The following AGPAT4 variants were observed in gnomAD, a reference collection of about 807,000 sequenced individuals.
AGPAT4 encodes the protein 1-acyl-sn-glycerol-3-phosphate acyltransferase delta.
Under a neutral mutation model 48.0 loss-of-function variants are expected in AGPAT4, and 15 were observed. The observed-to-expected ratio is 0.31, with a 90% CI of 0.21 to 0.48. The LOEUF (loss-of-function observed/expected upper bound fraction) is 0.48, where lower values mean the gene tolerates loss of function less well. AGPAT4 is among the 20% of genes least tolerant of loss of function. The pLI is 0.99. For synonymous variants in AGPAT4, 178 were observed against 198.7 expected (o/e 0.90, Z 0.88); for missense variants, 314 against 482.5 (o/e 0.65, Z 3.27).
chr6:161,266,259 C>T lies in AGPAT4; in HGVS notation c.-90+7679G>A, dbSNP rs1052327530. Among the ~76,000 whole-genome samples, 2 of 152,230 alleles carry T rather than the reference C, an allele frequency of 1.3e-5. No homozygotes were observed. The highest frequency in any genetic ancestry group is 2.9e-5 in the Non-Finnish European group (2 of 68,034). Reference sequence around the variant, plus strand: ...TCGAGATTGAGAAACACCTCGCCCTCAAGGAATGTCACCCTTGAGGCCCTG... The same window carrying T: ...TCGAGATTGAGAAACACCTCGCCCTTAAGGAATGTCACCCTTGAGGCCCTG... On this transcript the variant is annotated intron_variant, in intron 1 of 8. Coordinates refer to ENST00000320285, the MANE Select transcript of AGPAT4 (RefSeq NM_020133.3). This position sits in a 1 kb window ranked among gnomAD's most constrained non-coding sequence, Gnocchi z 6.2.
intron 2 of AGPAT4, among the ~76,000 whole-genome samples, chr6:161,168,982 T>C (rs568580620): frequency 2.3e-4 from 35 of 152,158 alleles, no homozygotes; most frequent in Non-Finnish European, 4.9e-4. Context: ...GCACCTAGCA[T>C]GACATGGGGC....
chr6:161,205,694 T>TGAAGGGAAATCAATTCTAA (rs11269660), intron 2 of AGPAT4, among the ~76,000 whole-genome samples: 151,747 of 151,818 alleles, frequency 1, 75,838 homozygotes, highest in Middle Eastern at 1. Context: ...AACACCAAGT[T>TGAAGGGAAATCAATTCTAA]GAAACAGATC....
chr6:161,154,128 G>C lies in AGPAT4; in HGVS notation c.510+21C>G. ...GTCCTGCAGGAGCCCTTGGGACACA[G>C]CTGCTCTGGTGCCTACATACAAAAT... On this transcript the variant is annotated intron_variant, in intron 4 of 8. Coordinates refer to ENST00000320285, the MANE Select transcript of AGPAT4 (RefSeq NM_020133.3). This position sits in a 1 kb window ranked among gnomAD's most constrained non-coding sequence, Gnocchi z 7.8. 1 of 1,613,970 alleles carries C rather than the reference G, an allele frequency of 6.2e-7. No homozygotes were observed. The highest frequency in any genetic ancestry group is 8.5e-7 in the Non-Finnish European group (1 of 1,179,994).
At position 161,172,532 on chromosome 6, in the gene AGPAT4, G is replaced by A. The variant is rs1247536542; in HGVS notation, c.179-6115C>T. Among the ~76,000 whole-genome samples, 4 of 152,342 alleles carry A rather than the reference G, an allele frequency of 2.6e-5. No homozygotes were observed. The East Asian group carries it at 7.7e-4, about 29-fold the overall frequency. Reference sequence around the variant, plus strand: ...ACGGCCACCTGGGAAAGGCCAGCTGGACAGAAAGGCCACAGGACAGAAAGG... The same window carrying A: ...ACGGCCACCTGGGAAAGGCCAGCTGAACAGAAAGGCCACAGGACAGAAAGG... On this transcript the variant is annotated intron_variant, in intron 2 of 8. Coordinates refer to ENST00000320285, the MANE Select transcript of AGPAT4 (RefSeq NM_020133.3).
Position 161,251,305 on chromosome 6 carries a change from C to T in AGPAT4, c.-89-19003G>A, listed in dbSNP as rs139876558. 2.9e-3 allele frequency among the ~76,000 whole-genome samples: 447 copies of T among 152,322 alleles called. 2 individuals are homozygous for T. The highest frequency in any genetic ancestry group is 0.01 in the African/African-American group (421 of 41,570). On this transcript the variant is annotated intron_variant, in intron 1 of 8. Coordinates refer to ENST00000320285, the MANE Select transcript of AGPAT4 (RefSeq NM_020133.3). The surrounding 1 kb of genome is among the most constrained non-coding windows in gnomAD (Gnocchi z 4.6). The stretch of plus-strand genomic sequence containing the variant: ...CATTTGTTGAAAGATCCTTCTCTAC[C>T]TCATTGATTCCCATGCAGTCTCTCC...
chr6:161,228,250 G>A (rs1273093451), intron 2 of AGPAT4, among the ~76,000 whole-genome samples: 3 of 152,308 alleles, frequency 2.0e-5, no homozygotes, highest in South Asian at 2.1e-4. Flanking sequence ...CAAAGGTGAC[G>A]CAGCCTGTAG....
chr6:161,167,253 G>C (rs1164410791), intron 2 of AGPAT4, among the ~76,000 whole-genome samples: 1 of 152,168 alleles, frequency 6.6e-6, no homozygotes, highest in Admixed American at 6.5e-5. Context: ...TTGAGATGGA[G>C]TCTTGCTCTG....
intron 1 of AGPAT4, among the ~76,000 whole-genome samples, chr6:161,268,611 A>T (rs1278111166): frequency 6.6e-6 from 1 of 152,236 alleles, no homozygotes; most frequent in Non-Finnish European, 1.5e-5. Flanking sequence ...TATGATGTTT[A>T]ACCTAAACAG....
At position 161,165,982 on chromosome 6, in the gene AGPAT4, T is replaced by C; in HGVS notation, c.348+266A>G. The C allele has an allele frequency of 1.6e-6, 1 of 611,286 alleles. No homozygotes were observed. Among genetic ancestry groups the C allele is most frequent in the Non-Finnish European group, 2.9e-6 (1 of 343,118 alleles). The allele number at this position is 611,286 out of a possible 1,614,324, so 37.9% of individuals were successfully genotyped here. ...AAAATGGAGTGTGGCACATCATCTA[T>C]TCATGTTGCTGTAAGGATTAAATAA... On this transcript the variant is annotated intron_variant, in intron 3 of 8. Coordinates refer to ENST00000320285, the MANE Select transcript of AGPAT4 (RefSeq NM_020133.3). The surrounding 1 kb of genome is among the most constrained non-coding windows in gnomAD (Gnocchi z 5.5).
chr6:161,255,673 A>T lies in AGPAT4; in HGVS notation c.-90+18265T>A, dbSNP rs1562359502. 6.6e-6 allele frequency among the ~76,000 whole-genome samples: 1 copy of T among 152,034 alleles called. No individual in the cohort carries two copies. The highest frequency in any genetic ancestry group is 1.5e-5 in the Non-Finnish European group (1 of 68,016). On this transcript the variant is annotated intron_variant, in intron 1 of 8. Transcript: ENST00000320285. The surrounding 1 kb of genome is among the most constrained non-coding windows in gnomAD (Gnocchi z 4.7). ...TTATATGAAAGGTTCGGACTAGGCC[A>T]ATGCATGGAGACAGAAAGTGAACTT...
rs951542291 is a variant in AGPAT4 at position 161,195,368 on chromosome 6, T to G, written c.179-28951A>C. 6.6e-6 allele frequency among the ~76,000 whole-genome samples: 1 copy of G among 152,182 alleles called. No individual in the cohort carries two copies. The highest frequency in any genetic ancestry group is 2.4e-5 in the African/African-American group (1 of 41,444). On this transcript the variant is annotated intron_variant, in intron 2 of 8. Transcript: ENST00000320285. This position sits in a 1 kb window ranked among gnomAD's most constrained non-coding sequence, Gnocchi z 5.0. ...AAGACAAGCACTGCAGGACAACCAT[T>G]GGGCGGGTTATAAACACCTTTCATT... is the stretch of plus-strand genomic sequence containing the variant.
chr6:161,182,482 C>T (rs966666245), intron 2 of AGPAT4, among the ~76,000 whole-genome samples: 3 of 149,952 alleles, frequency 2.0e-5, no homozygotes, highest in African/African-American at 7.4e-5. Context: ...GCACTGCATC[C>T]CAGCCTCTCA....
Position 161,201,150 on chromosome 6 carries a change from C to T in AGPAT4, c.178+30886G>A, listed in dbSNP as rs181237394. ...CAGGTTCCTCTGCAATATTGATCCT[C>T]CAGGTCCTTTCTGGAGAAAATGAGC... On this transcript the variant is annotated intron_variant, in intron 2 of 8. Coordinates refer to ENST00000320285, the MANE Select transcript of AGPAT4 (RefSeq NM_020133.3). The surrounding 1 kb of genome is among the most constrained non-coding windows in gnomAD (Gnocchi z 6.0). Among the ~76,000 whole-genome samples, 550 of 152,262 alleles carry T rather than the reference C, an allele frequency of 3.6e-3. 1 individual carries two copies. The highest frequency in any genetic ancestry group is 6.1e-3 in the Non-Finnish European group (415 of 68,020).
intron 2 of AGPAT4, among the ~76,000 whole-genome samples, chr6:161,172,648 A>AT (rs1780299431): frequency 6.6e-6 from 1 of 151,822 alleles, no homozygotes; most frequent in African/African-American, 2.4e-5. Flanking sequence ...TTTTTTATTT[A>AT]TTATTATTAT....
At position 161,217,249 on chromosome 6, in the gene AGPAT4, A is replaced by C. The variant is rs905114787; in HGVS notation, c.178+14787T>G. The stretch of plus-strand genomic sequence containing the variant: ...GAGCCAGGGACATGCTGAGCTGGAA[A>C]ACCTAGCCTTGGGTCAGAACTGGGC... On this transcript the variant is annotated intron_variant, in intron 2 of 8. Transcript: ENST00000320285. This position sits in a 1 kb window ranked among gnomAD's most constrained non-coding sequence, Gnocchi z 4.9. Among the ~76,000 whole-genome samples the C allele has an allele frequency of 6.6e-6, 1 of 152,154 alleles. No homozygotes were observed. Among genetic ancestry groups the C allele is most frequent in the African/African-American group, 2.4e-5 (1 of 41,424 alleles).
chr6:161,217,937 G>T lies in AGPAT4; in HGVS notation c.178+14099C>A, dbSNP rs1364059672. On this transcript the variant is annotated intron_variant, in intron 2 of 8. Coordinates refer to ENST00000320285, the MANE Select transcript of AGPAT4 (RefSeq NM_020133.3). The surrounding 1 kb of genome is among the most constrained non-coding windows in gnomAD (Gnocchi z 4.9). Reference sequence around the variant, plus strand: ...CTCACCATCACTAGACTGTGACTGGGTTGAAGGACAAGGTCTCTTCCTCAT... The same window carrying T: ...CTCACCATCACTAGACTGTGACTGGTTTGAAGGACAAGGTCTCTTCCTCAT... Among the ~76,000 whole-genome samples the T allele has an allele frequency of 6.6e-6, 1 of 152,246 alleles. No homozygotes were observed. Among genetic ancestry groups the T allele is most frequent in the Non-Finnish European group, 1.5e-5 (1 of 68,050 alleles).
chr6:161,160,673 GC>G (rs1211130883), intron 3 of AGPAT4: 1 of 316,530 alleles, frequency 3.2e-6, no homozygotes, highest in Non-Finnish European at 6.3e-6. Context: ...TACTGGCTCT[GC>G]TTTGAGGGGT....
In AGPAT4 at chr6:161,232,680, C is replaced by T. The variant is rs1012915664; in HGVS notation, c.-89-378G>A. Among the ~76,000 whole-genome samples, 8 of 152,184 alleles carry T rather than the reference C, an allele frequency of 5.3e-5. No individual in the cohort carries two copies. The highest frequency in any genetic ancestry group is 1.7e-4 in the African/African-American group (7 of 41,448). ...CTGCCCACAGGACAGGCCGCAAATC[C>T]GGCCTCCCCTCCTGCTGCCATCGCG... On this transcript the variant is annotated intron_variant, in intron 1 of 8. Transcript: ENST00000320285. This position sits in a 1 kb window ranked among gnomAD's most constrained non-coding sequence, Gnocchi z 6.8.
In AGPAT4 at chr6:161,214,716, C is replaced by CCGAGAT. The variant is rs1647460626; in HGVS notation, c.178+17314_178+17319dup. Among the ~76,000 whole-genome samples the CCGAGAT allele has an allele frequency of 6.6e-6, 1 of 152,122 alleles. No homozygotes were observed. The highest frequency in any genetic ancestry group is 1.5e-5 in the Non-Finnish European group (1 of 68,042). On this transcript the variant is annotated intron_variant, in intron 2 of 8. Coordinates refer to ENST00000320285, the MANE Select transcript of AGPAT4 (RefSeq NM_020133.3). The surrounding 1 kb of genome is among the most constrained non-coding windows in gnomAD (Gnocchi z 5.4). ...CCCAGGAGGCAAAGGTTGCAGTGAGCCGAGATCGTGCCACTGCACTCTAGC... is the reference window on the plus strand; with the variant it reads ...CCCAGGAGGCAAAGGTTGCAGTGAGCCGAGATCGAGATCGTGCCACTGCACTCTAGC...
Sources: gnomAD v4.1 joint callset for allele counts (sites outside exome capture counted in the v4.1 genomes callset) on GRCh38, gnomAD v4.1.1 for gene constraint, Gnocchi (gnomAD v3.1) non-coding constraint, MANE v1.5 for transcripts, NCBI Gene and HGNC (gene_info 2026-07-23, HGNC 2026-07-21) for gene names.